Variants in KLHL13 observed in about 807,000 individuals in gnomAD.
KLHL13 encodes the protein kelch like family member 13, also known as kelch-like protein 13.
A neutral mutation model predicts 37.1 loss-of-function variants in KLHL13; 10 were observed. That is an observed-to-expected ratio of 0.27 (90% CI 0.17 to 0.46). KLHL13 has a LOEUF of 0.46. Among genes scored for constraint, KLHL13 ranks in the 20% least tolerant of loss-of-function variants. The pLI is 1.00. For synonymous variants in KLHL13, 163 were observed against 181.2 expected (o/e 0.90, Z 0.81); for missense variants, 360 against 509.3 (o/e 0.71, Z 2.82).
chrX:118,085,078 C>A (rs1244297327), intron 1 of KLHL13, among the ~76,000 whole-genome samples: 1 of 110,211 alleles, frequency 9.1e-6, no homozygotes, highest in Non-Finnish European at 1.9e-5. Context: ...CAAAATTATA[C>A]ACAAATGCTA....
intron 2 of KLHL13, among the ~76,000 whole-genome samples, chrX:117,926,883 T>C (rs1464234897): frequency 1.4e-5 from 1 of 70,247 alleles, no homozygotes; most frequent in East Asian, 5.0e-4. Context: ...AGCCCCCTAC[T>C]TCTTTTTTTT....
At chrX:118,110,377 C>CTTTTTTTTTTTT (rs1054663520) in intron 1 of KLHL13, among the ~76,000 whole-genome samples, 47 of 82,499 alleles carry the variant, frequency 5.7e-4, no homozygotes, top group Non-Finnish European at 8.2e-4. Flanking sequence ...ATTTCTTTTT[C>CTTTTTTTTTTTT]TTTTTTTTTT....
At chrX:117,957,605 A>G (rs1234773083) in intron 1 of KLHL13, among the ~76,000 whole-genome samples, 1 of 112,355 alleles carries the variant, frequency 8.9e-6, no homozygotes, top group Non-Finnish European at 1.9e-5. Flanking sequence ...AAATTCATTT[A>G]ATTTAAATAT....
At chrX:118,030,932 T>C (rs1457472720) in intron 1 of KLHL13, among the ~76,000 whole-genome samples, 2 of 112,146 alleles carry the variant, frequency 1.8e-5, no homozygotes, top group Non-Finnish European at 3.8e-5. Context: ...TAACACAGTC[T>C]TCTTATTTCA....
At chrX:117,946,128 T>C (rs1229832892) in intron 1 of KLHL13, 2 of 111,695 alleles carry the variant, frequency 1.8e-5, no homozygotes, top group African/African-American at 3.3e-5. Flanking sequence ...AGATTAATTG[T>C]TATATATTAA....
chrX:117,958,783 C>A (rs1473303311), intron 1 of KLHL13, among the ~76,000 whole-genome samples: 1 of 111,329 alleles, frequency 9.0e-6, no homozygotes, highest in Non-Finnish European at 1.9e-5. Context: ...GCTTACCACT[C>A]TTTACTAACA....
intron 1 of KLHL13, among the ~76,000 whole-genome samples, chrX:118,042,033 G>T (rs1479840576): frequency 9.0e-6 from 1 of 110,918 alleles, no homozygotes; most frequent in African/African-American, 3.3e-5. Flanking sequence ...CCATGCAAAT[G>T]GAAACCAAAA....
intron 1 of KLHL13, among the ~76,000 whole-genome samples, chrX:118,110,324 T>C (rs1268549128): frequency 9.1e-6 from 1 of 109,660 alleles, no homozygotes; most frequent in Non-Finnish European, 1.9e-5. Context: ...AGGTCAGGAA[T>C]CATGTCTCAT....
chrX:117,934,220 C>T (rs1402341594), intron 2 of KLHL13, among the ~76,000 whole-genome samples: 1 of 110,630 alleles, frequency 9.0e-6, no homozygotes, highest in Non-Finnish European at 1.9e-5. Context: ...TCATTAGAAG[C>T]CCAAACCTCA....
Position 117,980,125 on chromosome X carries a change from G to A in KLHL13, c.-55-34550C>T, listed in dbSNP as rs1023571649. Among the ~76,000 whole-genome samples the A allele has an allele frequency of 3.6e-5, 4 of 111,660 alleles. No homozygotes were observed. In the Admixed American group the frequency reaches 3.8e-4, roughly 11 times the overall value. On this transcript the variant is annotated intron_variant, in intron 1 of 6. Transcript: ENST00000371882. ...CAAATATAGAAGCAAGACTGCCAAAGTGGCATGAAGACAATGTAAGGAATA... is the reference window on the plus strand; with the variant it reads ...CAAATATAGAAGCAAGACTGCCAAAATGGCATGAAGACAATGTAAGGAATA...
At chrX:118,114,192 T>C (rs749948304) in intron 1 of KLHL13, among the ~76,000 whole-genome samples, 1 of 112,565 alleles carries the variant, frequency 8.9e-6, no homozygotes, top group East Asian at 2.8e-4. Context: ...AATTTGAAAA[T>C]TGGTCAGTCT....
chrX:118,074,753 A>T (rs1252947901), intron 1 of KLHL13, among the ~76,000 whole-genome samples: 1 of 111,619 alleles, frequency 9.0e-6, no homozygotes, highest in Non-Finnish European at 1.9e-5. Context: ...TCACTATAAA[A>T]ATTTGATAAG....
chrX:117,969,967 G>A (rs949102559), intron 1 of KLHL13, among the ~76,000 whole-genome samples: 36 of 111,650 alleles, frequency 3.2e-4, no homozygotes, highest in African/African-American at 9.1e-4. Context: ...TAATAGTCTT[G>A]CTGCTCGATG....
chrX:118,088,785 T>C (rs2055083233), intron 1 of KLHL13, among the ~76,000 whole-genome samples: 1 of 111,703 alleles, frequency 9.0e-6, no homozygotes, highest in African/African-American at 3.3e-5. Flanking sequence ...TTATTTCTCC[T>C]ACAAAATATG....
intron 1 of KLHL13, among the ~76,000 whole-genome samples, chrX:118,082,415 A>T (rs954543596): frequency 9.0e-6 from 1 of 111,505 alleles, no homozygotes; most frequent in East Asian, 2.8e-4. Flanking sequence ...TTATTTTGAG[A>T]AACAGCTCTT....
chrX:118,053,765 T>TTGTGTGTGTG (rs774059071), intron 1 of KLHL13, among the ~76,000 whole-genome samples: 10 of 67,913 alleles, frequency 1.5e-4, no homozygotes, highest in African/African-American at 7.1e-4. Context: ...CAATCTCAAT[T>TTGTGTGTGTG]TGTGTGTGTG....
chrX:118,020,828 T>C (rs772149139), intron 1 of KLHL13, among the ~76,000 whole-genome samples: 134 of 109,723 alleles, frequency 1.2e-3, no homozygotes, highest in African/African-American at 4.3e-3. Context: ...ATGATGAGTT[T>C]ATGTCCTTTG....
At chrX:117,903,135 A>AACACACACACACACACACAC (rs751986919) in intron 5 of KLHL13, among the ~76,000 whole-genome samples, 7 of 99,794 alleles carry the variant, frequency 7.0e-5, no homozygotes, top group South Asian at 4.5e-4. Context: ...TGACAGGCAA[A>AACACACACACACACACACAC]ACACACACAC....
chrX:118,087,052 C>T (rs974063850), intron 1 of KLHL13, among the ~76,000 whole-genome samples: 1 of 111,397 alleles, frequency 9.0e-6, no homozygotes, highest in African/African-American at 3.3e-5. Flanking sequence ...AAGGATTTCT[C>T]TTATTGAAAA....
Sources: gnomAD v4.1 joint callset for allele counts (sites outside exome capture counted in the v4.1 genomes callset) on GRCh38, gnomAD v4.1.1 for gene constraint, MANE v1.5 for transcripts, NCBI Gene and HGNC (gene_info 2026-07-23, HGNC 2026-07-21) for gene names.